Variants in RIMS1 observed in about 807,000 individuals in gnomAD.
RIMS1 encodes regulating synaptic membrane exocytosis 1, also known as regulating synaptic membrane exocytosis protein 1.
RIMS1 carries 83 observed loss-of-function variants against 214.1 expected under a neutral mutation model. The ratio of observed to expected loss-of-function variants is 0.39; its 90% CI spans 0.32 to 0.47. The LOEUF is 0.47. Ranked by LOEUF, RIMS1 falls within the 20% of genes least tolerant of loss-of-function variation. The pLI is 0.99. For missense variants in RIMS1, 2,050 were observed against 2,161.8 expected (o/e 0.95, Z 1.03); for synonymous variants, 793 against 786.8 (o/e 1.01, Z -0.13).
At chr6:71,965,102 C>G (rs1794079582) in intron 1 of RIMS1, among the ~76,000 whole-genome samples, 1 of 152,036 alleles carries the variant, frequency 6.6e-6, no homozygotes, top group Non-Finnish European at 1.5e-5. Context: ...CATGTATTTC[C>G]CCAACACTAT....
At chr6:72,102,636 T>C (rs534109649) in intron 4 of RIMS1, among the ~76,000 whole-genome samples, 2 of 152,136 alleles carry the variant, frequency 1.3e-5, no homozygotes, top group Non-Finnish European at 2.9e-5. Flanking sequence ...TGGGACAGGA[T>C]GTTGGCTTGA....
At chr6:72,047,821 T>C (rs1353291209) in intron 2 of RIMS1, among the ~76,000 whole-genome samples, 1 of 152,208 alleles carries the variant, frequency 6.6e-6, no homozygotes, top group Non-Finnish European at 1.5e-5. Flanking sequence ...TTTGTGTGGT[T>C]TGTGACTGAA....
At chr6:71,927,587 T>G (rs1468770860) in intron 1 of RIMS1, among the ~76,000 whole-genome samples, 1 of 152,094 alleles carries the variant, frequency 6.6e-6, no homozygotes, top group Non-Finnish European at 1.5e-5. Flanking sequence ...GAAAATATGT[T>G]AGGATTATTT....
intron 29 of RIMS1, 86 bp from the exon 30 acceptor site, chr6:72,390,512 T>G: frequency 7.4e-7 from 1 of 1,346,066 alleles, no homozygotes; most frequent in East Asian, 2.5e-5. Flanking sequence ...TGTGTAAAAT[T>G]AACTATTGTA....
intron 6 of RIMS1, among the ~76,000 whole-genome samples, chr6:72,184,962 G>A (rs1243446990): frequency 6.6e-6 from 1 of 152,212 alleles, no homozygotes; most frequent in Non-Finnish European, 1.5e-5. Context: ...GGTTGTACAA[G>A]AAGGCCTAGA....
chr6:72,034,536 C>T lies in RIMS1; in HGVS notation c.246-62413C>T, dbSNP rs571406435. Reference sequence around the variant, plus strand: ...CCTGGAACAGGTGTGGTGCTCCATACGCTAGCTTTTAAAACTCTGTTTTTA... The same window carrying T: ...CCTGGAACAGGTGTGGTGCTCCATATGCTAGCTTTTAAAACTCTGTTTTTA... On this transcript the variant is annotated intron_variant, in intron 2 of 33. Coordinates refer to ENST00000521978, the MANE Select transcript of RIMS1 (RefSeq NM_014989.7). 7.6e-4 allele frequency among the ~76,000 whole-genome samples: 116 copies of T among 151,900 alleles called. 1 individual carries two copies. The highest frequency in any genetic ancestry group is 1.5e-3 in the Non-Finnish European group (99 of 67,964).
intron 29 of RIMS1, among the ~76,000 whole-genome samples, chr6:72,373,352 A>G (rs2098277245): frequency 6.6e-6 from 1 of 152,220 alleles, no homozygotes; most frequent in Non-Finnish European, 1.5e-5. Flanking sequence ...TGTGAATTAC[A>G]GTGTTTTCCT....
intron 27 of RIMS1, among the ~76,000 whole-genome samples, chr6:72,311,788 C>A (rs57060093): frequency 5.7e-4 from 87 of 152,106 alleles, no homozygotes; most frequent in African/African-American, 1.9e-3. Flanking sequence ...CTGGGTAACA[C>A]GGTGAAACCC....
intron 1 of RIMS1, among the ~76,000 whole-genome samples, chr6:71,947,721 T>C (rs1375462239): frequency 6.6e-6 from 1 of 152,128 alleles, no homozygotes; most frequent in African/African-American, 2.4e-5. Context: ...AAACAATAAG[T>C]ATTTTAGGAA....
At chr6:71,979,257 G>A (rs1797895172) in intron 2 of RIMS1, among the ~76,000 whole-genome samples, 1 of 151,916 alleles carries the variant, frequency 6.6e-6, no homozygotes, top group South Asian at 2.1e-4. Flanking sequence ...GCAAGCCCAA[G>A]CAGACTTTTG....
At position 72,251,303 on chromosome 6, in the gene RIMS1, C is replaced by G; in HGVS notation, c.2633C>G (p.Pro878Arg). 6.2e-7 allele frequency: 1 copy of G among 1,600,750 alleles called. No individual in the cohort carries two copies. The highest frequency in any genetic ancestry group is 8.5e-7 in the Non-Finnish European group (1 of 1,173,148). ...QTHDESSLPL[P>R]QPSPFMPRRH... ...CATGATGAGTCTTCACTACCTCTGC[C>G]TCAGCCATCACCTTTCATGCCAAGG... Residue 878 changes from proline to arginine, a missense_variant, in exon 15 of 34, where the codon CCT becomes CGT. Physicochemically the swap from Pro to Arg is moderately radical, Grantham distance 103. Around this residue, in one of 6 missense-constraint regions of RIMS1, gnomAD observed 889 missense variants for 885.5 expected, o/e 1.00. Transcript: ENST00000521978.
At chr6:72,341,384 C>T (rs7770762) in intron 29 of RIMS1, among the ~76,000 whole-genome samples, 52,765 of 151,588 alleles carry the variant, frequency 0.35, 9,372 homozygotes, top group South Asian at 0.41. Context: ...ATATGAAATA[C>T]TTCTCTAATT....
intron 2 of RIMS1, among the ~76,000 whole-genome samples, chr6:72,057,534 G>A (rs1162361429): frequency 1.5e-5 from 2 of 137,430 alleles, no homozygotes; most frequent in African/African-American, 5.4e-5. Flanking sequence ...TTGAGATGGA[G>A]TCTCGCTCTG....
At chr6:72,389,407 A>G (rs2098666497) in intron 29 of RIMS1, among the ~76,000 whole-genome samples, 1 of 152,202 alleles carries the variant, frequency 6.6e-6, no homozygotes, top group Non-Finnish European at 1.5e-5. Flanking sequence ...ATTTTAATGA[A>G]CATACTAAAT....
At chr6:72,092,479 A>C (rs77792583) in intron 2 of RIMS1, among the ~76,000 whole-genome samples, 3,856 of 152,226 alleles carry the variant, frequency 0.025, 88 homozygotes, top group Non-Finnish European at 0.035. Flanking sequence ...AGATTAAGAG[A>C]GTTATAGACT....
At chr6:72,174,636 T>G (rs2047467914) in intron 4 of RIMS1, among the ~76,000 whole-genome samples, 2 of 152,194 alleles carry the variant, frequency 1.3e-5, no homozygotes, top group African/African-American at 4.8e-5. Context: ...ATATTCCAAC[T>G]CTGTAGAATA....
intron 1 of RIMS1, among the ~76,000 whole-genome samples, chr6:71,894,273 C>T (rs536383890): frequency 3.3e-5 from 5 of 152,158 alleles, no homozygotes; most frequent in South Asian, 4.2e-4. Context: ...GGTAAAACCC[C>T]GTCTCTACTA....
At chr6:72,039,504 G>C (rs1820830789) in intron 2 of RIMS1, among the ~76,000 whole-genome samples, 1 of 152,000 alleles carries the variant, frequency 6.6e-6, no homozygotes, top group Non-Finnish European at 1.5e-5. Flanking sequence ...AAGGCTGATG[G>C]CTTCATCTGC....
chr6:72,352,252 G>A (rs2097478123), intron 29 of RIMS1, among the ~76,000 whole-genome samples: 1 of 152,196 alleles, frequency 6.6e-6, no homozygotes, highest in African/African-American at 2.4e-5. Flanking sequence ...ACAGGGATAA[G>A]CCTAATTGTA....
Sources: allele counts gnomAD v4.1 joint callset (sites outside exome capture counted in the v4.1 genomes callset), GRCh38; gene constraint gnomAD v4.1.1; regional missense constraint gnomAD v4.1.1; transcripts MANE v1.5; gene names NCBI Gene and HGNC (gene_info 2026-07-23, HGNC 2026-07-21).